The following METTL24 variants were observed in gnomAD, a reference collection of about 807,000 sequenced individuals.
METTL24 encodes methyltransferase like 24.
A neutral mutation model predicts 32.7 loss-of-function variants in METTL24; 29 were observed. The ratio of observed to expected loss-of-function variants is 0.89; its 90% CI spans 0.66 to 1.21. The LOEUF (loss-of-function observed/expected upper bound fraction) is 1.21, where lower values mean the gene tolerates loss of function less well. Ranked by LOEUF, METTL24 falls within the 50% of genes most tolerant of loss-of-function variation. METTL24 has a pLI of 0.00. For missense variants in METTL24, 439 were observed against 468.1 expected, an observed-to-expected ratio of 0.94 and a Z score of 0.57; for synonymous variants, 163 against 179.5, an observed-to-expected ratio of 0.91 and a Z score of 0.73.
chr6:110,270,406 A>G (rs925247349), intron 4 of METTL24, among the ~76,000 whole-genome samples: 12 of 152,100 alleles, frequency 7.9e-5, no homozygotes, highest in African/African-American at 2.4e-4. Flanking sequence ...AATGGAAACA[A>G]AGGGTAGAAT....
intron 4 of METTL24, among the ~76,000 whole-genome samples, chr6:110,247,805 G>T (rs572505745): frequency 3.0e-4 from 46 of 152,286 alleles, no homozygotes; most frequent in Admixed American, 1.0e-3. Context: ...TTGCATGTCT[G>T]TTTGATAAGT....
intron 3 of METTL24, among the ~76,000 whole-genome samples, chr6:110,306,454 ATATACAAGTG>A (rs1460998160): frequency 6.6e-6 from 1 of 151,930 alleles, no homozygotes; most frequent in Non-Finnish European, 1.5e-5. Flanking sequence ...TTTTCTACCT[ATATACAAGTG>A]TTTCTCTATT....
Position 110,357,941 on chromosome 6 carries a change from G to A in METTL24, c.318+14C>T, listed in dbSNP as rs551343369. On this transcript the variant is annotated intron_variant, in intron 1 of 4. Transcript: ENST00000338882. ...TCTGGTCCCAGGCCCAAGACCGACC[G>A]CTTTGCAACTGACCTTCCGGCGGGG... 3 of 1,200,282 alleles carry A rather than the reference G, an allele frequency of 2.5e-6. No homozygotes were observed. The highest frequency in any genetic ancestry group is 3.9e-5 in the Admixed American group (1 of 25,954). The allele number at this position is 1,200,282 out of a possible 1,614,324, so 74.4% of individuals were successfully genotyped here. A position where few individuals can be genotyped will look rare whatever the true frequency, so the allele number is the denominator to read the frequency against.
intron 4 of METTL24, among the ~76,000 whole-genome samples, chr6:110,296,251 T>C (rs1342366568): frequency 6.6e-6 from 1 of 152,232 alleles, no homozygotes; most frequent in Non-Finnish European, 1.5e-5. Flanking sequence ...TAAGAAAGAC[T>C]TTAGAAAAAA....
rs1464630125 is a variant in METTL24, at chr6:110,354,378, GA to G, written c.318+3576del. On this transcript the variant is annotated intron_variant, in intron 1 of 4. Transcript: ENST00000338882. ...GCCTCTAACACCTGGAATGGAAGCAGAGTAACAAGAAATACTTGGCAACCCA... is the reference window on the plus strand; with the variant it reads ...GCCTCTAACACCTGGAATGGAAGCAGGTAACAAGAAATACTTGGCAACCCA... 2.0e-5 allele frequency among the ~76,000 whole-genome samples: 3 copies of G among 152,342 alleles called. No individual in the cohort carries two copies. The South Asian group carries it at 6.2e-4, about 32-fold the overall frequency.
chr6:110,282,746 C>A (rs1771160377), intron 4 of METTL24, among the ~76,000 whole-genome samples: 1 of 152,174 alleles, frequency 6.6e-6, no homozygotes, highest in South Asian at 2.1e-4. Context: ...AACAACTGAT[C>A]CCTCTAGCTG....
intron 4 of METTL24, among the ~76,000 whole-genome samples, chr6:110,291,609 T>C (rs535324909): frequency 1.3e-5 from 2 of 152,328 alleles, no homozygotes; most frequent in South Asian, 4.1e-4. Context: ...ACCTGTACCA[T>C]GAGGGTTTGT....
intron 1 of METTL24, among the ~76,000 whole-genome samples, chr6:110,329,516 T>A (rs1448384239): frequency 2.9e-5 from 3 of 103,270 alleles, no homozygotes; most frequent in African/African-American, 7.3e-5. Context: ...GGGGTGGGAG[T>A]AGTTGGGGGA....
intron 4 of METTL24, among the ~76,000 whole-genome samples, chr6:110,269,720 G>A (rs1770920597): frequency 6.6e-6 from 1 of 152,114 alleles, no homozygotes; most frequent in Non-Finnish European, 1.5e-5. Context: ...TTTTTGAATT[G>A]CGGAAGCAGA....
At chr6:110,298,600 A>G (rs900920369) in intron 4 of METTL24, among the ~76,000 whole-genome samples, 1 of 152,086 alleles carries the variant, frequency 6.6e-6, no homozygotes, top group African/African-American at 2.4e-5. Context: ...CTCTTTCTGG[A>G]AAGTGTAAGT....
At chr6:110,322,461 G>A (rs1771945513) in intron 2 of METTL24, among the ~76,000 whole-genome samples, 1 of 152,170 alleles carries the variant, frequency 6.6e-6, no homozygotes, top group Non-Finnish European at 1.5e-5. Flanking sequence ...CCTACTCACG[G>A]GGACCAATCT....
chr6:110,256,128 CATT>C (rs1275883273), intron 4 of METTL24, among the ~76,000 whole-genome samples: 1 of 152,062 alleles, frequency 6.6e-6, no homozygotes, highest in Non-Finnish European at 1.5e-5. Context: ...GGTGAGAAAA[CATT>C]AAGAAGTCTC....
chr6:110,326,158 C>T (rs974365589), intron 1 of METTL24, among the ~76,000 whole-genome samples: 1 of 152,188 alleles, frequency 6.6e-6, no homozygotes, highest in African/African-American at 2.4e-5. Context: ...CTCCCTTCTC[C>T]CCAAATACCT....
At chr6:110,309,224 A>C (rs1359860867) in intron 3 of METTL24, among the ~76,000 whole-genome samples, 2 of 152,176 alleles carry the variant, frequency 1.3e-5, no homozygotes, top group African/African-American at 4.8e-5. Context: ...AGAAGAGGTA[A>C]CACAATTGGT....
At chr6:110,315,036 T>G (rs1298638418) in intron 3 of METTL24, among the ~76,000 whole-genome samples, 2 of 151,890 alleles carry the variant, frequency 1.3e-5, no homozygotes, top group Non-Finnish European at 2.9e-5. Flanking sequence ...CTCTTTATAC[T>G]AAGGATGCTC....
chr6:110,261,469 G>A (rs926788520), intron 4 of METTL24, among the ~76,000 whole-genome samples: 10 of 152,154 alleles, frequency 6.6e-5, no homozygotes, highest in Non-Finnish European at 1.3e-4. Flanking sequence ...CATAAAGCAA[G>A]TCCTTAGAGA....
chr6:110,262,812 A>C (rs899738624), intron 4 of METTL24, among the ~76,000 whole-genome samples: 6 of 152,244 alleles, frequency 3.9e-5, no homozygotes, highest in African/African-American at 1.2e-4. Flanking sequence ...AGGCTGGTTC[A>C]ACATACACAA....
chr6:110,253,728 A>G (rs1438037673), intron 4 of METTL24, among the ~76,000 whole-genome samples: 1 of 152,246 alleles, frequency 6.6e-6, no homozygotes, highest in Non-Finnish European at 1.5e-5. Context: ...GCACACACAA[A>G]CACACAAGAC....
At chr6:110,302,764 T>TATATATTC (rs755090644) in intron 3 of METTL24, among the ~76,000 whole-genome samples, 2 of 152,228 alleles carry the variant, frequency 1.3e-5, no homozygotes, top group South Asian at 4.1e-4. Context: ...GACACTTTAT[T>TATATATTC]ATATATTCAT....
Sources: gnomAD v4.1 joint callset for allele counts (sites outside exome capture counted in the v4.1 genomes callset) on GRCh38, gnomAD v4.1.1 for gene constraint, MANE v1.5 for transcripts, NCBI Gene and HGNC (gene_info 2026-07-23, HGNC 2026-07-21) for gene names.